Variants in ANXA5 observed in about 807,000 individuals in gnomAD.
ANXA5 encodes the protein annexin A5, also known as CBP-I.
Under a neutral mutation model 48.1 loss-of-function variants are expected in ANXA5, and 40 were observed. That is an observed-to-expected ratio of 0.83 (90% confidence interval 0.65 to 1.08). The LOEUF (loss-of-function observed/expected upper bound fraction) is 1.08, where lower values mean the gene tolerates loss of function less well. Among genes scored for constraint, ANXA5 ranks in the 50% least tolerant of loss-of-function variants. The pLI, the probability that ANXA5 is intolerant of heterozygous loss-of-function variation, is 0.00. For missense variants in ANXA5, 357 were observed against 376.8 expected, an observed-to-expected ratio of 0.95 and a Z score of 0.44; for synonymous variants, 113 against 129.1, an observed-to-expected ratio of 0.88 and a Z score of 0.85.
chr4:121,677,279 T>C (rs576185019), intron 8 of ANXA5, among the ~76,000 whole-genome samples: 2 of 152,312 alleles, frequency 1.3e-5, no homozygotes, highest in South Asian at 2.1e-4. Context: ...ATTACCAATT[T>C]CCAGTTTTCA....
At position 121,672,573 on chromosome 4, in the gene ANXA5, G is replaced by A. The variant is rs1560824001; in HGVS notation, c.585C>T (p.Ile195=). 1.2e-5 allele frequency: 19 copies of A among 1,613,714 alleles called. 1 individual carries two copies. The highest frequency in any genetic ancestry group is 4.0e-5 in the African/African-American group (3 of 74,898). Residue 195 remains isoleucine (I), a synonymous_variant, in exon 9 of 13, where the codon ATC becomes ATT. Coordinates refer to ENST00000296511, the MANE Select transcript of ANXA5 (RefSeq NM_001154.4). ...LKWGTDEEKF[I]TIFGTRSVSH... ...ACACACTTCGTGTTCCAAAGATGGT[G>A]ATAAACTTTTCTTCATCTGTCCCCC... is the stretch of plus-strand genomic sequence containing the variant.
chr4:121,671,772 G>T, intron 9 of ANXA5, 130 bp from the exon 10 acceptor site: 1 of 656,400 alleles, frequency 1.5e-6, no homozygotes, highest in Non-Finnish European at 2.6e-6. Flanking sequence ...AGAACCTTGT[G>T]CTCAAAGCCT....
intron 2 of ANXA5, among the ~76,000 whole-genome samples, chr4:121,694,782 T>C (rs1019107631): frequency 6.6e-5 from 10 of 152,238 alleles, no homozygotes; most frequent in African/African-American, 1.9e-4. Context: ...TTTAAAACAT[T>C]ACTTGTAACT....
rs1724552982 is a variant in ANXA5, at chr4:121,668,237, A to G, written c.*231T>C. On this transcript the variant is annotated 3_prime_UTR_variant, in exon 13 of 13. Transcript: ENST00000296511. ...ATAAATGGAAAATGGCCAGGCATTAAACTTAGTAACATTAAGTACACTTTA... is the reference window on the plus strand; with the variant it reads ...ATAAATGGAAAATGGCCAGGCATTAGACTTAGTAACATTAAGTACACTTTA... 3 of 379,042 alleles carry G rather than the reference A, an allele frequency of 7.9e-6. No homozygotes were observed. Among genetic ancestry groups the G allele is most frequent in the Non-Finnish European group, 1.4e-5 (3 of 211,894 alleles). 23.5% of individuals were successfully genotyped at this position (379,042 alleles called of 1,614,324 possible).
At chr4:121,695,605 C>T (rs1430502263) in intron 2 of ANXA5, among the ~76,000 whole-genome samples, 4 of 152,170 alleles carry the variant, frequency 2.6e-5, no homozygotes, top group African/African-American at 9.7e-5. Context: ...CTCTTTCCTA[C>T]ATTTTTGATA....
intron 2 of ANXA5, among the ~76,000 whole-genome samples, chr4:121,695,380 T>G (rs1725061905): frequency 6.6e-6 from 1 of 152,218 alleles, no homozygotes; most frequent in Non-Finnish European, 1.5e-5. Context: ...CCTTTTTCAA[T>G]TTTGATAAGT....
At chr4:121,668,567 G>T (rs776183345) in intron 12 of ANXA5, 40 bp from the exon 13 acceptor site, 8 of 1,576,012 alleles carry the variant, frequency 5.1e-6, no homozygotes, top group Admixed American at 1.7e-5. Context: ...ATGACTCACA[G>T]AAGCCATAGA....
At chr4:121,690,281 C>A (rs566673029) in intron 2 of ANXA5, among the ~76,000 whole-genome samples, 1 of 152,228 alleles carries the variant, frequency 6.6e-6, no homozygotes, top group African/African-American at 2.4e-5. Flanking sequence ...GGCTCCTGGG[C>A]TCTTACCCAT....
chr4:121,683,185 GAC>G (rs1212233734), intron 5 of ANXA5, among the ~76,000 whole-genome samples, 177 bp downstream of exon 5: 1 of 152,058 alleles, frequency 6.6e-6, no homozygotes, highest in Non-Finnish European at 1.5e-5. Flanking sequence ...AAGATGAAAT[GAC>G]ACACGTGTAA....
intron 8 of ANXA5, among the ~76,000 whole-genome samples, chr4:121,673,254 G>A (rs1724641463): frequency 1.3e-5 from 2 of 152,012 alleles, no homozygotes; most frequent in East Asian, 1.9e-4. Flanking sequence ...TTTGACATGG[G>A]GAAAAAATAT....
intron 5 of ANXA5, among the ~76,000 whole-genome samples, chr4:121,682,412 GCT>G (rs986065437): frequency 1.3e-5 from 2 of 151,942 alleles, no homozygotes; most frequent in East Asian, 3.9e-4. Context: ...CAACGATATA[GCT>G]GGACTTAATT....
chr4:121,676,396 T>C (rs1486169763), intron 8 of ANXA5, among the ~76,000 whole-genome samples: 1 of 152,108 alleles, frequency 6.6e-6, no homozygotes, highest in Non-Finnish European at 1.5e-5. Flanking sequence ...TATCTTCTAG[T>C]GAAAGAGAAA....
At chr4:121,683,924 T>C (rs1206458181) in intron 4 of ANXA5, among the ~76,000 whole-genome samples, 2 of 152,112 alleles carry the variant, frequency 1.3e-5, no homozygotes, top group African/African-American at 4.8e-5. Flanking sequence ...TAATAGATTA[T>C]AGTCATTGTT....
intron 4 of ANXA5, 22 bp downstream of exon 4, chr4:121,684,655 T>C (rs1245316268): frequency 6.3e-7 from 1 of 1,599,146 alleles, no homozygotes; most frequent in Middle Eastern, 1.7e-4. Context: ...CCATTCTCTC[T>C]TGGGATGAAG....
In ANXA5 at chr4:121,668,375, G is replaced by A; in HGVS notation, c.*93C>T. On this transcript the variant is annotated 3_prime_UTR_variant, in exon 13 of 13. Coordinates refer to ENST00000296511, the MANE Select transcript of ANXA5 (RefSeq NM_001154.4). ...CATGCTAGTATGAATAAGGCAATGT[G>A]TTAAGCACTGGCATACAAATGCAGC... 1 of 1,097,578 alleles carries A rather than the reference G, an allele frequency of 9.1e-7. No homozygotes were observed. Among genetic ancestry groups the A allele is most frequent in the Non-Finnish European group, 1.4e-6 (1 of 713,282 alleles). 68.0% of individuals were successfully genotyped at this position (1,097,578 alleles called of 1,614,324 possible). A position where few individuals can be genotyped will look rare whatever the true frequency, so the allele number is the denominator to read the frequency against.
intron 2 of ANXA5, among the ~76,000 whole-genome samples, chr4:121,688,076 G>A (rs1009379655): frequency 6.6e-6 from 1 of 152,148 alleles, no homozygotes; most frequent in African/African-American, 2.4e-5. Context: ...CCCCCAAAAT[G>A]AGATCAGCAT....
intron 12 of ANXA5, among the ~76,000 whole-genome samples, chr4:121,669,021 T>A: frequency 6.6e-6 from 1 of 151,548 alleles, no homozygotes; most frequent in Non-Finnish European, 1.5e-5. Context: ...ATTGAAATCT[T>A]GCTTTGCACA....
At chr4:121,693,240 GA>G (rs1217967752) in intron 2 of ANXA5, among the ~76,000 whole-genome samples, 218 of 142,428 alleles carry the variant, frequency 1.5e-3, no homozygotes, top group African/African-American at 4.9e-3. Flanking sequence ...TCTCGGGGGA[GA>G]AAAAAAAAAA....
Position 121,680,807 on chromosome 4 carries a change from G to A in ANXA5, c.394+864C>T, listed in dbSNP as rs115775519. On this transcript the variant is annotated intron_variant, in intron 6 of 12. Coordinates refer to ENST00000296511, the MANE Select transcript of ANXA5 (RefSeq NM_001154.4). ...CTGCCTTAGCGGTTGGGAACTTACT[G>A]CCTATAAAAAGAGAAGCAGGAAAGA... Among the ~76,000 whole-genome samples, 228 of 152,310 alleles carry A rather than the reference G, an allele frequency of 1.5e-3. 1 individual carries two copies. Among genetic ancestry groups the A allele is most frequent in the African/African-American group, 5.2e-3 (216 of 41,570 alleles).
Sources: gnomAD v4.1 joint callset for allele counts (sites outside exome capture counted in the v4.1 genomes callset) on GRCh38, gnomAD v4.1.1 for gene constraint, MANE v1.5 for transcripts, NCBI Gene and HGNC (gene_info 2026-07-23, HGNC 2026-07-21) for gene names.